The following MYO1D variants were observed in gnomAD, a reference collection of about 807,000 sequenced individuals.
MYO1D encodes the protein unconventional myosin-Id.
In MYO1D, 83 loss-of-function variants were observed where a neutral mutation model predicts 122.0. The observed-to-expected ratio is 0.68, with a 90% CI of 0.57 to 0.82. MYO1D has a LOEUF of 0.82. Ranked by LOEUF, MYO1D falls within the 40% of genes least tolerant of loss-of-function variation. The probability of loss-of-function intolerance (pLI) is 0.00; values close to 1 mark genes in which losing one functional copy is unlikely to be tolerated. For synonymous variants in MYO1D, 464 were observed against 446.9 expected, an observed-to-expected ratio of 1.04 and a Z score of -0.48; for missense variants, 1,157 against 1,269.5, an observed-to-expected ratio of 0.91 and a Z score of 1.35.
At position 32,760,549 on chromosome 17, in the gene MYO1D, T is replaced by TTG; in HGVS notation, c.1112_1113dup (p.Ile372GlnfsTer46). 1 of 1,613,950 alleles carries TTG rather than the reference T, an allele frequency of 6.2e-7. No individual in the cohort carries two copies. The highest frequency in any genetic ancestry group is 8.5e-7 in the Non-Finnish European group (1 of 1,179,884). On this transcript the variant is annotated frameshift_variant, in exon 9 of 22. Transcript: ENST00000318217. LOFTEE classifies it high-confidence loss of function. ...CCAATAACAGTGTTTTTCCCATGGA[T>TTG]TGTGGTGTCATAGTTCTTGACCTCA...
At chr17:32,876,508 C>G (rs1447715578) in intron 1 of MYO1D, among the ~76,000 whole-genome samples, 1 of 152,176 alleles carries the variant, frequency 6.6e-6, no homozygotes, top group South Asian at 2.1e-4. Context: ...ACCTAAACCC[C>G]GGACAGCGCC....
chr17:32,552,419 C>CCCAT (rs60290556), intron 21 of MYO1D, among the ~76,000 whole-genome samples: 4,497 of 143,564 alleles, frequency 0.031, 92 homozygotes, highest in East Asian at 0.056. Context: ...CATCCATCCA[C>CCCAT]CCATCCATCC....
chr17:32,622,552 G>T (rs1309292323), intron 20 of MYO1D, among the ~76,000 whole-genome samples: 1 of 152,114 alleles, frequency 6.6e-6, no homozygotes, highest in Non-Finnish European at 1.5e-5. Context: ...TGGAGCTGAG[G>T]GTATCATTCT....
chr17:32,625,609 G>A (rs2087917697), intron 20 of MYO1D, among the ~76,000 whole-genome samples: 1 of 151,892 alleles, frequency 6.6e-6, no homozygotes, highest in Admixed American at 6.6e-5. Flanking sequence ...GAGTGCAATG[G>A]TGCGATCTTA....
At position 32,672,448 on chromosome 17, in the gene MYO1D, T is replaced by C. The variant is rs960195335; in HGVS notation, c.2122-13110A>G. Among the ~76,000 whole-genome samples the C allele has an allele frequency of 2.6e-5, 4 of 152,184 alleles. 1 individual carries two copies. The highest frequency in any genetic ancestry group is 4.4e-5 in the Non-Finnish European group (3 of 68,034). On this transcript the variant is annotated intron_variant, in intron 16 of 21. Coordinates refer to ENST00000318217, the MANE Select transcript of MYO1D (RefSeq NM_015194.3). The stretch of plus-strand genomic sequence containing the variant: ...AACTACTACACTACTACATTCTTCA[T>C]ATATACGCAGATAATTCCCAATCAT...
At chr17:32,652,348 T>A (rs2088403980) in intron 19 of MYO1D, among the ~76,000 whole-genome samples, 1 of 152,116 alleles carries the variant, frequency 6.6e-6, no homozygotes, top group Non-Finnish European at 1.5e-5. Flanking sequence ...ATCTGAATAC[T>A]ACTGTAATTA....
intron 1 of MYO1D, among the ~76,000 whole-genome samples, chr17:32,809,148 A>AAC (rs1177014478): frequency 1.3e-5 from 2 of 151,758 alleles, no homozygotes; most frequent in African/African-American, 4.8e-5. Flanking sequence ...AAAAAAAAAA[A>AAC]AAACTGTCAC....
intron 16 of MYO1D, among the ~76,000 whole-genome samples, chr17:32,710,580 T>C (rs1041227517): frequency 2.0e-5 from 3 of 152,152 alleles, no homozygotes; most frequent in Admixed American, 1.3e-4. Flanking sequence ...AGGCAAAATA[T>C]TGAAGACTTT....
At position 32,653,838 on chromosome 17, in the gene MYO1D, C is replaced by T; in HGVS notation, c.2595+5G>A. 1.2e-6 allele frequency: 2 copies of T among 1,610,862 alleles called. No homozygotes were observed. Among genetic ancestry groups the T allele is most frequent in the Non-Finnish European group, 1.7e-6 (2 of 1,177,394 alleles). On this transcript the variant is annotated splice_donor_5th_base_variant and intron_variant, in intron 19 of 21. Coordinates refer to ENST00000318217, the MANE Select transcript of MYO1D (RefSeq NM_015194.3). ...CCAAGATGATCTGGTTTAAGCTTGC[C>T]TTACCTTACGGACGTGACAGGAAAA...
At chr17:32,644,084 T>C (rs1218109347) in intron 19 of MYO1D, among the ~76,000 whole-genome samples, 1 of 152,188 alleles carries the variant, frequency 6.6e-6, no homozygotes, top group Non-Finnish European at 1.5e-5. Flanking sequence ...CACACTGCTT[T>C]GAATGTGTCC....
At position 32,780,912 on chromosome 17, in the gene MYO1D, T is replaced by C. The variant is rs2090230629; in HGVS notation, c.96-128A>G. 20 of 918,576 alleles carry C rather than the reference T, an allele frequency of 2.2e-5. 1 individual carries two copies. The highest frequency in any genetic ancestry group is 3.0e-5 in the Non-Finnish European group (18 of 604,052). 56.9% of individuals were successfully genotyped at this position (918,576 alleles called of 1,614,324 possible). The stretch of plus-strand genomic sequence containing the variant: ...GAATGATTTCTGAACTGACGTTTCA[T>C]TGGCTCTGAGTTAACTTGTAGAGAA... On this transcript the variant is annotated intron_variant, in intron 1 of 21. Coordinates refer to ENST00000318217, the MANE Select transcript of MYO1D (RefSeq NM_015194.3).
rs575009243 is a variant in MYO1D at position 32,819,275 on chromosome 17, C to T, written c.96-38491G>A. 3.3e-5 allele frequency among the ~76,000 whole-genome samples: 5 copies of T among 151,398 alleles called. No individual in the cohort carries two copies. The East Asian group carries it at 7.8e-4, about 24-fold the overall frequency. On this transcript the variant is annotated intron_variant, in intron 1 of 21. Coordinates refer to ENST00000318217, the MANE Select transcript of MYO1D (RefSeq NM_015194.3). ...GAGGCTATGCTAGCTTGGTTATAAG[C>T]AGGGAAGTTGGCTGTGAGGAGATAA...
intron 1 of MYO1D, among the ~76,000 whole-genome samples, chr17:32,859,499 C>G (rs1452295042): frequency 6.6e-6 from 1 of 152,194 alleles, no homozygotes; most frequent in African/African-American, 2.4e-5. Context: ...GCCTACCTTG[C>G]TGTGCCCCAA....
chr17:32,870,727 T>C (rs927541896), intron 1 of MYO1D, among the ~76,000 whole-genome samples: 22 of 152,276 alleles, frequency 1.4e-4, no homozygotes, highest in Admixed American at 9.8e-4. Flanking sequence ...TTCTGTAGCA[T>C]CACAGAAAAC....
At chr17:32,657,592 G>C (rs373797446) in intron 17 of MYO1D, among the ~76,000 whole-genome samples, 3 of 152,252 alleles carry the variant, frequency 2.0e-5, no homozygotes, top group African/African-American at 7.2e-5. Context: ...GTGCACGCAC[G>C]TGTGCGTATA....
chr17:32,812,927 C>T (rs1048206833), intron 1 of MYO1D, among the ~76,000 whole-genome samples: 3 of 152,138 alleles, frequency 2.0e-5, no homozygotes, highest in South Asian at 2.1e-4. Flanking sequence ...ACCATAATGG[C>T]GACATTAACT....
intron 1 of MYO1D, among the ~76,000 whole-genome samples, chr17:32,806,572 T>TCA (rs1175274742): frequency 6.6e-6 from 1 of 152,160 alleles, no homozygotes; most frequent in African/African-American, 2.4e-5. Flanking sequence ...AGACAAGGTC[T>TCA]CACTATGTTA....
chr17:32,722,468 G>T (rs1389436462), intron 14 of MYO1D, among the ~76,000 whole-genome samples: 1 of 152,184 alleles, frequency 6.6e-6, no homozygotes, highest in African/African-American at 2.4e-5. Flanking sequence ...CTTGGCTGGT[G>T]GCCCCCTTCC....
At chr17:32,763,337 A>T (rs950849360) in intron 8 of MYO1D, among the ~76,000 whole-genome samples, 4 of 152,216 alleles carry the variant, frequency 2.6e-5, no homozygotes, top group Admixed American at 6.5e-5. Flanking sequence ...ACAGTAAACT[A>T]ATCAACCAGC....
Sources: gnomAD v4.1 joint callset for allele counts (sites outside exome capture counted in the v4.1 genomes callset) on GRCh38, gnomAD v4.1.1 for gene constraint, MANE v1.5 for transcripts, NCBI Gene and HGNC (gene_info 2026-07-23, HGNC 2026-07-21) for gene names.